The following IL1RAPL2 variants were observed in gnomAD, a reference collection of about 807,000 sequenced individuals.
IL1RAPL2 encodes the protein X-linked interleukin-1 receptor accessory protein-like 2.
Under a neutral mutation model 44.1 loss-of-function variants are expected in IL1RAPL2, and 3 were observed. That is an observed-to-expected ratio of 0.07 (90% CI 0.03 to 0.18). The LOEUF (loss-of-function observed/expected upper bound fraction) is 0.18. Among genes scored for constraint, IL1RAPL2 ranks in the 10% least tolerant of loss-of-function variants. The probability of loss-of-function intolerance (pLI) is 1.00; values close to 1 mark genes in which losing one functional copy is unlikely to be tolerated. For synonymous variants in IL1RAPL2, 181 were observed against 178.8 expected, an observed-to-expected ratio of 1.01 and a Z score of -0.10; for missense variants, 391 against 496.4, an observed-to-expected ratio of 0.79 and a Z score of 2.02.
chrX:105,262,193 A>G (rs2034365130), intron 4 of IL1RAPL2, among the ~76,000 whole-genome samples: 1 of 111,654 alleles, frequency 9.0e-6, no homozygotes, highest in Non-Finnish European at 1.9e-5. Flanking sequence ...GGATCTGAAA[A>G]TGGTTATTGA....
rs747843319 is a variant in IL1RAPL2 at position 105,290,721 on chromosome X, A to G, written c.697+23180A>G. On this transcript the variant is annotated intron_variant, in intron 5 of 10. Transcript: ENST00000372582. ...GTTGGTAGTTATGCTAAAGTCTCCT[A>G]GGTTATCAAAGTTACAGTATTGAGT... 1.4e-4 allele frequency among the ~76,000 whole-genome samples: 16 copies of G among 111,491 alleles called. 1 individual carries two copies. In the South Asian group the frequency reaches 6.0e-3, roughly 42 times the overall value.
intron 5 of IL1RAPL2, among the ~76,000 whole-genome samples, chrX:105,358,689 CA>C (rs1569428522): frequency 0.058 from 874 of 15,199 alleles, 10 homozygotes; most frequent in Middle Eastern, 0.53. Flanking sequence ...AAAAAAAACA[CA>C]ACAACAACAA....
intron 2 of IL1RAPL2, among the ~76,000 whole-genome samples, chrX:104,950,910 C>T (rs1198981519): frequency 9.0e-6 from 1 of 111,213 alleles, no homozygotes; most frequent in South Asian, 3.8e-4. Flanking sequence ...GTTTGAAAAG[C>T]GCAGTATTTG....
rs746899015 is a variant in IL1RAPL2, at chrX:105,259,752, G to A, written c.544-7636G>A. ...CCGTAGTCTGAGGGTAGCAAGGGCCGTTCCACTACAGAGGTAGTGGCACAG... is the reference window on the plus strand; with the variant it reads ...CCGTAGTCTGAGGGTAGCAAGGGCCATTCCACTACAGAGGTAGTGGCACAG... On this transcript the variant is annotated intron_variant, in intron 4 of 10. Coordinates refer to ENST00000372582, the MANE Select transcript of IL1RAPL2 (RefSeq NM_017416.2). Among the ~76,000 whole-genome samples, 261 of 111,451 alleles carry A rather than the reference G, an allele frequency of 2.3e-3. 1 individual carries two copies. The Middle Eastern group carries it at 0.028, about 12-fold the overall frequency.
At chrX:105,079,418 C>A (rs1361371583) in intron 2 of IL1RAPL2, among the ~76,000 whole-genome samples, 1 of 108,560 alleles carries the variant, frequency 9.2e-6, no homozygotes, top group Non-Finnish European at 1.9e-5. Flanking sequence ...TGGAACCAAC[C>A]CAAATGCCCA....
At chrX:104,836,376 T>C (rs951602978) in intron 2 of IL1RAPL2, among the ~76,000 whole-genome samples, 2 of 110,780 alleles carry the variant, frequency 1.8e-5, no homozygotes, top group Non-Finnish European at 3.8e-5. Context: ...CTATAGTCGA[T>C]AATAATATAA....
intron 2 of IL1RAPL2, among the ~76,000 whole-genome samples, chrX:105,097,330 C>CAAAA (rs201390547): frequency 2.0e-3 from 84 of 43,067 alleles, no homozygotes; most frequent in Middle Eastern, 0.016. Flanking sequence ...CAGTGTCAGA[C>CAAAA]AAAAAAAAAA....
intron 1 of IL1RAPL2, chrX:104,648,100 C>G (rs1930081879): frequency 2.4e-6 from 1 of 420,877 alleles, no homozygotes; most frequent in Non-Finnish European, 4.2e-6. Context: ...TTTCCATACA[C>G]ATACACACAC....
At chrX:105,007,334 T>G (rs1340403231) in intron 2 of IL1RAPL2, among the ~76,000 whole-genome samples, 1 of 111,588 alleles carries the variant, frequency 9.0e-6, no homozygotes, top group African/African-American at 3.3e-5. Context: ...ATGTGGAAAC[T>G]ATGTCCCAAA....
chrX:104,610,041 G>A (rs948805154), intron 1 of IL1RAPL2, among the ~76,000 whole-genome samples: 1 of 111,545 alleles, frequency 9.0e-6, no homozygotes, highest in Non-Finnish European at 1.9e-5. Flanking sequence ...TTTTGTTGTG[G>A]ATGTCCTTTG....
rs751738360 is a variant in IL1RAPL2 at position 105,160,022 on chromosome X, G to A, written c.83-35453G>A. Among the ~76,000 whole-genome samples, 333 of 92,360 alleles carry A rather than the reference G, an allele frequency of 3.6e-3. 2 individuals are homozygous for A. Among genetic ancestry groups the A allele is most frequent in the African/African-American group, 0.015 (313 of 21,523 alleles). The allele number at this position is 92,360 out of a possible 115,157, so 80.2% of individuals were successfully genotyped here. On this transcript the variant is annotated intron_variant, in intron 2 of 10. Coordinates refer to ENST00000372582, the MANE Select transcript of IL1RAPL2 (RefSeq NM_017416.2). ...CCACCCCATTTTTTTGTGGTTGTTTGTAACAAAAATATTTGCTTTCACAAA... is the reference window on the plus strand; with the variant it reads ...CCACCCCATTTTTTTGTGGTTGTTTATAACAAAAATATTTGCTTTCACAAA...
intron 6 of IL1RAPL2, among the ~76,000 whole-genome samples, chrX:105,505,733 C>A (rs897177660): frequency 9.0e-6 from 1 of 111,462 alleles, no homozygotes; most frequent in Non-Finnish European, 1.9e-5. Context: ...AAAGAAGTTT[C>A]ATGATGTAAT....
At chrX:105,043,435 T>TG (rs750068648) in intron 2 of IL1RAPL2, among the ~76,000 whole-genome samples, 247 of 109,267 alleles carry the variant, frequency 2.3e-3, no homozygotes, top group African/African-American at 8.0e-3. Flanking sequence ...CATTTAGACT[T>TG]GGGAGGCAGC....
At chrX:105,579,747 G>T (rs193182599) in intron 6 of IL1RAPL2, among the ~76,000 whole-genome samples, 52 of 111,811 alleles carry the variant, frequency 4.7e-4, no homozygotes, top group African/African-American at 1.6e-3. Context: ...AAGATATGAA[G>T]CCAGTACTCA....
chrX:104,904,030 C>A (rs1459478793), intron 2 of IL1RAPL2, among the ~76,000 whole-genome samples: 6 of 111,234 alleles, frequency 5.4e-5, no homozygotes, highest in Non-Finnish European at 9.4e-5. Context: ...ATTGTTGAGT[C>A]CAAGGAGAGG....
intron 2 of IL1RAPL2, among the ~76,000 whole-genome samples, chrX:104,895,724 T>A (rs781048093): frequency 8.2e-4 from 92 of 112,001 alleles, no homozygotes; most frequent in Non-Finnish European, 1.4e-3. Context: ...CCTGACCCCT[T>A]GTTCTTCCCA....
At position 104,949,332 on chromosome X, in the gene IL1RAPL2, G is replaced by A. The variant is rs753039646; in HGVS notation, c.83-246143G>A. Reference sequence around the variant, plus strand: ...CTCTTTTTCTTTATTAGTCTTGCTAGCAGTCTATCTATTTTGTTGATCCTT... The same window carrying A: ...CTCTTTTTCTTTATTAGTCTTGCTAACAGTCTATCTATTTTGTTGATCCTT... On this transcript the variant is annotated intron_variant, in intron 2 of 10. Transcript: ENST00000372582. Among the ~76,000 whole-genome samples, 6 of 111,128 alleles carry A rather than the reference G, an allele frequency of 5.4e-5. No individual in the cohort carries two copies. In the East Asian group the frequency reaches 1.1e-3, roughly 21 times the overall value.
intron 5 of IL1RAPL2, among the ~76,000 whole-genome samples, chrX:105,397,951 T>G (rs1308182678): frequency 3.6e-5 from 4 of 110,641 alleles, no homozygotes; most frequent in African/African-American, 1.3e-4. Context: ...CCAGGAGATC[T>G]CAAAAATGCC....
intron 3 of IL1RAPL2, among the ~76,000 whole-genome samples, chrX:105,213,037 A>G (rs1179915321): frequency 9.0e-6 from 1 of 111,272 alleles, no homozygotes; most frequent in Non-Finnish European, 1.9e-5. Flanking sequence ...TCAGTGCAAA[A>G]ATGCTGAAAA....
Sources: gnomAD v4.1 joint callset for allele counts (sites outside exome capture counted in the v4.1 genomes callset) on GRCh38, gnomAD v4.1.1 for gene constraint, MANE v1.5 for transcripts, NCBI Gene and HGNC (gene_info 2026-07-23, HGNC 2026-07-21) for gene names.